BRME1: variants seen among roughly 807,000 people sequenced by gnomAD.
The protein encoded by BRME1 is break repair meiotic recombinase recruitment factor 1, also known as BRCA2 and MEILB2-associating protein 1.
Under a neutral mutation model 52.6 loss-of-function variants are expected in BRME1, and 31 were observed. That is an observed-to-expected ratio of 0.59 (90% confidence interval 0.44 to 0.80). BRME1 has a LOEUF of 0.80. Among genes scored for constraint, BRME1 ranks in the 30% least tolerant of loss-of-function variants. BRME1 has a pLI of 0.00. For synonymous variants in BRME1, 359 were observed against 353.6 expected (o/e 1.02, Z -0.17); for missense variants, 804 against 860.3 (o/e 0.93, Z 0.82).
chr19:13,889,613 G>C lies in BRME1; in HGVS notation c.1243C>G (p.Pro415Ala), dbSNP rs772403219. The C allele has an allele frequency of 1.2e-6, 2 of 1,609,864 alleles. No individual in the cohort carries two copies. Among genetic ancestry groups the C allele is most frequent in the South Asian group, 2.2e-5 (2 of 90,850 alleles). The stretch of plus-strand genomic sequence containing the variant: ...GGTGCCAGAGCCAGGGAGGCTGTAG[G>C]GCCCACTAGGACATCGCCGGGGGGC... ...GKPPGDVLVG[P>A]TASLALAPGS... Residue 415 changes from proline to alanine, a missense_variant, in exon 6 of 9, where the codon CCT (proline) becomes GCT (alanine). By Grantham distance (27) the Pro-to-Ala change is conservative. Around this residue, in one of 3 missense-constraint regions of BRME1, gnomAD observed 552 missense variants for 561.1 expected, o/e 0.98. Transcript: ENST00000586783.
intron 3 of BRME1, among the ~76,000 whole-genome samples, chr19:13,894,495 A>G (rs1296131918): frequency 6.6e-6 from 1 of 151,986 alleles, no homozygotes; most frequent in Non-Finnish European, 1.5e-5. Context: ...ACTGCACTCC[A>G]GCCTGGGTGA....
In BRME1 at chr19:13,883,458, T is replaced by G. The variant is rs1968782103; in HGVS notation, c.1764-58A>C. ...CGACCTCACTGGACTACCAGAGCTC[T>G]CCAGTGGGAGGGGCTTCCGCAGGGC... is the stretch of plus-strand genomic sequence containing the variant. On this transcript the variant is annotated intron_variant, in intron 7 of 8. Coordinates refer to ENST00000586783, the MANE Select transcript of BRME1 (RefSeq NM_001345843.2). The surrounding 1 kb of genome is among the most constrained non-coding windows in gnomAD (Gnocchi z 4.2). 35 of 1,321,750 alleles carry G rather than the reference T, an allele frequency of 2.6e-5. No individual in the cohort carries two copies. Among genetic ancestry groups the G allele is most frequent in the Non-Finnish European group, 3.2e-5 (31 of 954,072 alleles). 81.9% of individuals were successfully genotyped at this position (1,321,750 alleles called of 1,614,324 possible).
At chr19:13,886,541 A>G (rs572503306) in intron 6 of BRME1, among the ~76,000 whole-genome samples, 3 of 152,346 alleles carry the variant, frequency 2.0e-5, no homozygotes, top group African/African-American at 7.2e-5. Context: ...CACGAGGGGA[A>G]AACTCCCAGT....
intron 2 of BRME1, among the ~76,000 whole-genome samples, chr19:13,904,650 C>T (rs933256186): frequency 6.6e-6 from 1 of 151,486 alleles, no homozygotes; most frequent in Non-Finnish European, 1.5e-5. Context: ...CCATGTTGGT[C>T]AGGCTGGTCT....
intron 5 of BRME1, 140 bp from the exon 6 acceptor site, chr19:13,890,602 T>C (rs1969418241): frequency 1.4e-6 from 1 of 707,680 alleles, no homozygotes; most frequent in Non-Finnish European, 2.1e-6. Flanking sequence ...TGATGGCTCA[T>C]GCCTGTAATC....
At chr19:13,900,009 A>G (rs1970192685) in intron 2 of BRME1, among the ~76,000 whole-genome samples, 1 of 152,180 alleles carries the variant, frequency 6.6e-6, no homozygotes, top group African/African-American at 2.4e-5. Context: ...CTCAAAAGAA[A>G]CACGACCTTG....
chr19:13,895,273 G>A (rs1395360326), intron 3 of BRME1, 99 bp downstream of exon 3: 1 of 1,310,724 alleles, frequency 7.6e-7, no homozygotes, highest in Non-Finnish European at 1.1e-6. Context: ...GCACTAGATA[G>A]GTTGTGGGTC....
Position 13,889,922 on chromosome 19 carries a change from G to A in BRME1, c.934C>T (p.Gln312Ter). 1.2e-5 allele frequency: 20 copies of A among 1,612,686 alleles called. No individual in the cohort carries two copies. The highest frequency in any genetic ancestry group is 1.7e-5 in the Non-Finnish European group (20 of 1,179,956). The change falls in exon 6 of 9, where the codon CAG (glutamine) becomes TAG (stop). Residue 312 changes from glutamine to a stop codon, truncating the protein, a stop_gained. Coordinates refer to ENST00000586783, the MANE Select transcript of BRME1 (RefSeq NM_001345843.2). LOFTEE classifies it high-confidence loss of function. ...GSVAQGSPDPQQTPSRMGREG... is the reference protein window; with the variant it reads ...GSVAQGSPDP Reference sequence around the variant, plus strand: ...CTACCCATCCTGCTGGGGGTCTGCTGGGGGTCAGGGGAGCCCTGGGCCACA... The same window carrying A: ...CTACCCATCCTGCTGGGGGTCTGCTAGGGGTCAGGGGAGCCCTGGGCCACA...
At chr19:13,890,560 C>T in intron 5 of BRME1, 98 bp from the exon 6 acceptor site, 1 of 1,241,746 alleles carries the variant, frequency 8.1e-7, no homozygotes, top group South Asian at 2.1e-5. Context: ...CGGGTTTTGT[C>T]ATTACTTTTA....
intron 3 of BRME1, 29 bp downstream of exon 3, chr19:13,895,343 G>A: frequency 1.2e-6 from 2 of 1,601,130 alleles, no homozygotes; most frequent in Non-Finnish European, 1.7e-6. Context: ...TCAGTGGGGA[G>A]ACCTGCCGGA....
At chr19:13,904,758 A>T (rs1970550909) in intron 2 of BRME1, 104 bp downstream of exon 2, 1 of 1,230,032 alleles carries the variant, frequency 8.1e-7, no homozygotes. Flanking sequence ...CTTCCTTTTA[A>T]GGAGGTTAAG....
chr19:13,893,040 A>C, intron 4 of BRME1, 102 bp downstream of exon 4: 1 of 1,362,642 alleles, frequency 7.3e-7, no homozygotes, highest in Non-Finnish European at 1.0e-6. Context: ...GCCCCTGTAG[A>C]CCATGAGTGA....
chr19:13,903,402 G>A (rs1194209842), intron 2 of BRME1, among the ~76,000 whole-genome samples: 2 of 152,118 alleles, frequency 1.3e-5, no homozygotes, highest in Non-Finnish European at 2.9e-5. Context: ...GCCGGGCACG[G>A]TGGCTCCCAC....
At chr19:13,898,110 TAATTA>T (rs931469671) in intron 2 of BRME1, among the ~76,000 whole-genome samples, 56 of 151,448 alleles carry the variant, frequency 3.7e-4, no homozygotes, top group African/African-American at 1.3e-3. Flanking sequence ...AAAAAATAAA[TAATTA>T]AATTAAATTA....
Position 13,882,868 on chromosome 19 carries a change from G to A in BRME1, c.1941C>T (p.Pro647=). ...CAGGCCCCTTGGAAGGGTAAGGCAGGGGGGCTTTGCCTCCCAGCTTTGTCT... is the reference window on the plus strand; with the variant it reads ...CAGGCCCCTTGGAAGGGTAAGGCAGAGGGGCTTTGCCTCCCAGCTTTGTCT... ...YRKTKLGGKA[P]LPYPSKGPGN... is the part of the protein sequence containing the mutation. Residue 647 remains proline (P), a synonymous_variant, in exon 9 of 9, where the codon CCC becomes CCT. Coordinates refer to ENST00000586783, the MANE Select transcript of BRME1 (RefSeq NM_001345843.2). The A allele has an allele frequency of 6.2e-7, 1 of 1,614,014 alleles. No individual in the cohort carries two copies. The highest frequency in any genetic ancestry group is 8.5e-7 in the Non-Finnish European group (1 of 1,179,964).
chr19:13,892,719 G>T, intron 5 of BRME1, 67 bp downstream of exon 5: 1 of 1,319,742 alleles, frequency 7.6e-7, no homozygotes. Context: ...GTTAAATGGG[G>T]CTGCCGAGGC....
intron 2 of BRME1, 69 bp from the exon 3 acceptor site, chr19:13,895,615 T>G (rs1599344243): frequency 7.2e-7 from 1 of 1,389,364 alleles, no homozygotes; most frequent in Non-Finnish European, 9.9e-7. Flanking sequence ...ACAACTCAGG[T>G]CTCCCCCACT....
chr19:13,890,028 G>A lies in BRME1; in HGVS notation c.828C>T (p.Val276=), dbSNP rs141210941. Residue 276 remains valine, a synonymous_variant, in exon 6 of 9, where the codon GTC becomes GTT. Coordinates refer to ENST00000586783, the MANE Select transcript of BRME1 (RefSeq NM_001345843.2). Reference sequence around the variant, plus strand: ...TAGGAGCTGATGCTGGGGTACAGGGGACACCGTCTCCCTCCTCCTGGGGCC... The same window carrying A: ...TAGGAGCTGATGCTGGGGTACAGGGAACACCGTCTCCCTCCTCCTGGGGCC... ...PGGPQEEGDG[V]PCTPASAPTS... 5.6e-6 allele frequency: 9 copies of A among 1,613,306 alleles called. No homozygotes were observed. In the African/African-American group the frequency reaches 9.3e-5, roughly 17 times the overall value.
intron 5 of BRME1, 87 bp downstream of exon 5, chr19:13,892,699 G>C (rs775147036): frequency 9.4e-6 from 10 of 1,061,272 alleles, no homozygotes; most frequent in South Asian, 3.9e-5. Context: ...CATTGCCAAA[G>C]AACTCCAGGG....
Sources: allele counts gnomAD v4.1 joint callset (sites outside exome capture counted in the v4.1 genomes callset), GRCh38; gene constraint gnomAD v4.1.1; regional missense constraint gnomAD v4.1.1; non-coding constraint Gnocchi (gnomAD v3.1); transcripts MANE v1.5; gene names NCBI Gene and HGNC (gene_info 2026-07-23, HGNC 2026-07-21).